Variants in PTK2 observed in about 807,000 individuals in gnomAD.
The protein encoded by PTK2 is focal adhesion kinase 1.
A neutral mutation model predicts 150.1 loss-of-function variants in PTK2; 45 were observed. That is an observed-to-expected ratio of 0.30 (90% CI 0.24 to 0.38). The LOEUF (loss-of-function observed/expected upper bound fraction) is 0.38, where lower values mean the gene tolerates loss of function less well. Ranked by LOEUF, PTK2 falls within the 10% of genes least tolerant of loss-of-function variation. The pLI is 1.00. For synonymous variants in PTK2, 432 were observed against 449.2 expected (o/e 0.96, Z 0.48); for missense variants, 919 against 1,307.3 (o/e 0.70, Z 4.58).
chr8:140,744,717 C>G (rs1450500637), exon 19 of PTK2: 1 of 1,580,962 alleles, frequency 6.3e-7, no homozygotes, highest in Admixed American at 1.7e-5. Context: ...CATACAGGAT[C>G]AAAGATGCTA....
intron 22 of PTK2, among the ~76,000 whole-genome samples, chr8:140,724,237 C>CTATT (rs1281377642): frequency 7.2e-5 from 11 of 152,134 alleles, no homozygotes; most frequent in Non-Finnish European, 1.6e-4. Context: ...TCTACCCTAA[C>CTATT]TATTGTTAGA....
intron 23 of PTK2, among the ~76,000 whole-genome samples, chr8:140,715,162 T>G (rs11778507): frequency 0.52 from 22,496 of 43,134 alleles, 4,292 homozygotes; most frequent in Non-Finnish European, 0.57. Context: ...ACCGTTTTTT[T>G]TTTTTTTTTT....
At chr8:140,837,454 C>T (rs1332524310) in intron 7 of PTK2, among the ~76,000 whole-genome samples, 2 of 152,134 alleles carry the variant, frequency 1.3e-5, no homozygotes, top group South Asian at 2.1e-4. Flanking sequence ...TATGGCTGGG[C>T]GTGGTGACTC....
intron 28 of PTK2, among the ~76,000 whole-genome samples, chr8:140,675,168 CTTTTT>C (rs772090005): frequency 7.2e-6 from 1 of 138,334 alleles, no homozygotes; most frequent in Non-Finnish European, 1.6e-5. Flanking sequence ...GCATTTCTTT[CTTTTT>C]TTTTTTTTTT....
chr8:140,864,381 A>G, exon 5 of PTK2: 1 of 1,583,776 alleles, frequency 6.3e-7, no homozygotes, highest in Non-Finnish European at 8.6e-7. Context: ...TTGGCAAATA[A>G]CGAATTCTCA....
rs548248676 is a variant in PTK2, at chr8:140,841,943, T to C, written c.593+4317A>G. On this transcript the variant is annotated intron_variant, in intron 7 of 31. Coordinates refer to ENST00000522684, the Ensembl canonical transcript of PTK2. Reference sequence around the variant, plus strand: ...ATTAACCTGAACTGAATGTCCACTATTATGTGGCTGTTTAAATGTATGTAG... The same window carrying C: ...ATTAACCTGAACTGAATGTCCACTACTATGTGGCTGTTTAAATGTATGTAG... Among the ~76,000 whole-genome samples, 32 of 151,728 alleles carry C rather than the reference T, an allele frequency of 2.1e-4. 1 individual carries two copies. Among genetic ancestry groups the C allele is most frequent in the South Asian group, 8.3e-4 (4 of 4,830 alleles).
chr8:140,858,049 T>C (rs757181505), intron 5 of PTK2, among the ~76,000 whole-genome samples: 14 of 152,116 alleles, frequency 9.2e-5, no homozygotes, highest in Non-Finnish European at 1.6e-4. Context: ...GCAGATAGAT[T>C]AGCAAATAAT....
chr8:140,774,221 G>A (rs2100077135), intron 14 of PTK2, among the ~76,000 whole-genome samples: 1 of 152,190 alleles, frequency 6.6e-6, no homozygotes, highest in East Asian at 1.9e-4. Flanking sequence ...TACTGTGAGG[G>A]AGAACTTGAA....
chr8:140,665,872 A>C (rs1394248860), intron 30 of PTK2, among the ~76,000 whole-genome samples: 1 of 152,214 alleles, frequency 6.6e-6, no homozygotes, highest in Non-Finnish European at 1.5e-5. Context: ...GGGTTCATGC[A>C]AGTTCCTCCT....
intron 20 of PTK2, among the ~76,000 whole-genome samples, chr8:140,740,376 G>A (rs746400859): frequency 6.6e-6 from 1 of 152,176 alleles, no homozygotes; most frequent in Non-Finnish European, 1.5e-5. Flanking sequence ...AGGAAGCAGG[G>A]CACAGGAACA....
chr8:140,808,774 C>T (rs532042709), intron 10 of PTK2, among the ~76,000 whole-genome samples: 25 of 122,858 alleles, frequency 2.0e-4, no homozygotes, highest in African/African-American at 7.6e-4. Context: ...CTCACTCTGT[C>T]GTCCAGCATG....
chr8:140,874,611 C>T (rs1296508277), intron 4 of PTK2, among the ~76,000 whole-genome samples: 3 of 152,072 alleles, frequency 2.0e-5, no homozygotes, highest in Non-Finnish European at 2.9e-5. Flanking sequence ...ATATGATCTC[C>T]AGGAAAAGTT....
chr8:140,681,756 C>G (rs566723062), intron 27 of PTK2, among the ~76,000 whole-genome samples: 6 of 151,822 alleles, frequency 4.0e-5, no homozygotes, highest in South Asian at 4.2e-4. Context: ...CAGCCTGGGC[C>G]ACAGAGCGAG....
At chr8:140,752,294 G>A in exon 17 of PTK2, 1 of 1,613,964 alleles carries the variant, frequency 6.2e-7, no homozygotes. Flanking sequence ...TGTTTTAATT[G>A]CAACCGCCAA....
At position 140,882,646 on chromosome 8, in the gene PTK2, T is replaced by C. The variant is rs115216861; in HGVS notation, c.196-3009A>G. Among the ~76,000 whole-genome samples the C allele has an allele frequency of 4.5e-3, 683 of 152,326 alleles. 4 individuals are homozygous for C. The highest frequency in any genetic ancestry group is 0.016 in the African/African-American group (648 of 41,584). On this transcript the variant is annotated intron_variant, in intron 3 of 31. Coordinates refer to ENST00000522684, the Ensembl canonical transcript of PTK2. The stretch of plus-strand genomic sequence containing the variant: ...AAAGCCAGTGTTCACATCATGCCTG[T>C]ATCTTATCAGGAACATAACATTAAA...
chr8:140,876,160 A>C (rs1034306739), intron 4 of PTK2, among the ~76,000 whole-genome samples: 1 of 151,936 alleles, frequency 6.6e-6, no homozygotes, highest in African/African-American at 2.4e-5. Flanking sequence ...ATCTTGTTTC[A>C]TGGGGCCAAT....
chr8:140,742,066 G>T (rs1160475138), intron 20 of PTK2, among the ~76,000 whole-genome samples: 2 of 152,150 alleles, frequency 1.3e-5, no homozygotes, highest in Non-Finnish European at 2.9e-5. Flanking sequence ...AGCTCAGGAG[G>T]TCGAGACTGT....
At chr8:140,968,806 C>A (rs1390206360) in intron 1 of PTK2, among the ~76,000 whole-genome samples, 1 of 152,126 alleles carries the variant, frequency 6.6e-6, no homozygotes, top group Non-Finnish European at 1.5e-5. Context: ...GAGAAAAACA[C>A]CAAAAGAAAC....
Position 140,998,818 on chromosome 8 carries a change from CAAA to C in PTK2, c.-122+2304_-122+2306del, listed in dbSNP as rs959649621. On this transcript the variant is annotated intron_variant, in intron 1 of 31. Coordinates refer to ENST00000522684, the Ensembl canonical transcript of PTK2. ...TGGGCCACAGGGTGAGACTCCGTCT[CAAA>C]AAAAAAAAAAAAAAAACTATTTTCT... Among the ~76,000 whole-genome samples, 24 of 53,506 alleles carry C rather than the reference CAAA, an allele frequency of 4.5e-4. No individual in the cohort carries two copies. The East Asian group carries it at 0.011, about 25-fold the overall frequency. The allele number at this position is 53,506 out of a possible 152,430, so 35.1% of individuals were successfully genotyped here.
Sources: allele counts gnomAD v4.1 joint callset (sites outside exome capture counted in the v4.1 genomes callset), GRCh38; gene constraint gnomAD v4.1.1; transcripts MANE v1.5; gene names NCBI Gene and HGNC (gene_info 2026-07-23, HGNC 2026-07-21).